Variants in MAD1L1 observed in about 807,000 individuals in gnomAD.
The protein encoded by MAD1L1 is mitotic arrest deficient 1 like 1.
MAD1L1 carries 95 observed loss-of-function variants against 96.9 expected under a neutral mutation model. That is an observed-to-expected ratio of 0.98 (90% CI 0.83 to 1.16). MAD1L1 has a LOEUF of 1.16. MAD1L1 is among the 50% of genes most tolerant of loss of function. MAD1L1 has a pLI of 0.00. For missense variants in MAD1L1, 1,007 were observed against 954.4 expected (o/e 1.06, Z -0.73); for synonymous variants, 473 against 396.6 (o/e 1.19, Z -2.29).
chr7:1,855,841 AC>A (rs903958451), intron 18 of MAD1L1, among the ~76,000 whole-genome samples: 1 of 151,852 alleles, frequency 6.6e-6, no homozygotes, highest in African/African-American at 2.4e-5. Context: ...TTACAGCTGC[AC>A]CCCACTCTTG....
chr7:2,152,201 T>C (rs143569226), intron 10 of MAD1L1, among the ~76,000 whole-genome samples: 4 of 152,172 alleles, frequency 2.6e-5, no homozygotes, highest in South Asian at 4.1e-4. Flanking sequence ...TCAGCCTGGA[T>C]ACTTGCTGGC....
intron 12 of MAD1L1, among the ~76,000 whole-genome samples, chr7:2,026,632 T>G (rs928990869): frequency 1.6e-4 from 24 of 152,132 alleles, no homozygotes; most frequent in African/African-American, 5.6e-4. Context: ...TAGAAATCAA[T>G]AAGAAGATAC....
At chr7:1,951,910 G>A (rs146736671) in intron 16 of MAD1L1, among the ~76,000 whole-genome samples, 24 of 152,284 alleles carry the variant, frequency 1.6e-4, no homozygotes, top group African/African-American at 5.3e-4. Flanking sequence ...GTGGGTGCCC[G>A]TATCCATGAG....
chr7:2,118,428 G>C (rs1358919192), intron 11 of MAD1L1, among the ~76,000 whole-genome samples: 1 of 152,268 alleles, frequency 6.6e-6, no homozygotes, highest in East Asian at 1.9e-4. Flanking sequence ...GGTCAGCCCT[G>C]AGTGGTGTGT....
At chr7:2,014,168 C>A (rs4623312) in intron 13 of MAD1L1, among the ~76,000 whole-genome samples, 6,416 of 152,294 alleles carry the variant, frequency 0.042, 220 homozygotes, top group East Asian at 0.088. Flanking sequence ...GGCAGATGCC[C>A]CTCACAGGGG....
intron 11 of MAD1L1, among the ~76,000 whole-genome samples, chr7:2,138,127 G>A (rs1788847405): frequency 6.6e-6 from 1 of 152,240 alleles, no homozygotes; most frequent in Non-Finnish European, 1.5e-5. Context: ...GGCAGCCCCT[G>A]ACACTGCGGA....
intron 18 of MAD1L1, among the ~76,000 whole-genome samples, chr7:1,863,609 A>G (rs1339442171): frequency 1.3e-5 from 2 of 152,150 alleles, no homozygotes; most frequent in African/African-American, 2.4e-5. Context: ...GCTTGCAGAG[A>G]CCGTCACCTG....
intron 18 of MAD1L1, among the ~76,000 whole-genome samples, chr7:1,896,765 C>T (rs1162840630): frequency 2.0e-5 from 3 of 152,230 alleles, no homozygotes; most frequent in African/African-American, 7.2e-5. Context: ...GCTTCAACTA[C>T]AGCACACGCA....
chr7:1,894,918 G>A (rs1786773802), intron 18 of MAD1L1, among the ~76,000 whole-genome samples: 1 of 152,130 alleles, frequency 6.6e-6, no homozygotes, highest in Non-Finnish European at 1.5e-5. Context: ...CAGCAGTGGG[G>A]GAGAAACACA....
Position 1,968,439 on chromosome 7 carries a change from A to G in MAD1L1, c.1506-10720T>C, listed in dbSNP as rs534055216. ...CAGTCCGGCGATCAGGTCCACCGTCAACGCCAGCAGTCATGTCCACCATCA... is the reference window on the plus strand; with the variant it reads ...CAGTCCGGCGATCAGGTCCACCGTCGACGCCAGCAGTCATGTCCACCATCA... On this transcript the variant is annotated intron_variant, in intron 15 of 18. Coordinates refer to ENST00000265854, the MANE Select transcript of MAD1L1 (RefSeq NM_001013836.2). This position sits in a 1 kb window ranked among gnomAD's most constrained non-coding sequence, Gnocchi z 5.6. Among the ~76,000 whole-genome samples, 1 of 142,822 alleles carries G rather than the reference A, an allele frequency of 7.0e-6. No homozygotes were observed. Among genetic ancestry groups the G allele is most frequent in the Non-Finnish European group, 1.5e-5 (1 of 66,308 alleles). The allele number at this position is 142,822 out of a possible 152,430, so 93.7% of individuals were successfully genotyped here.
chr7:2,018,854 C>G (rs1221230314), intron 12 of MAD1L1, among the ~76,000 whole-genome samples: 1 of 152,068 alleles, frequency 6.6e-6, no homozygotes, highest in Non-Finnish European at 1.5e-5. Context: ...CCGAGGCCCA[C>G]TCTGCAAGGG....
chr7:1,816,737 G>C (rs947846597), intron 18 of MAD1L1, among the ~76,000 whole-genome samples: 1 of 152,054 alleles, frequency 6.6e-6, no homozygotes, highest in Non-Finnish European at 1.5e-5. Context: ...ACTGGAGAAC[G>C]GGCAAGGAGG....
At chr7:1,882,233 G>A (rs757932927) in intron 18 of MAD1L1, among the ~76,000 whole-genome samples, 127 of 152,214 alleles carry the variant, frequency 8.3e-4, no homozygotes, top group Middle Eastern at 6.3e-3. Flanking sequence ...CGAGTGTGCC[G>A]GGCAGAGGGC....
rs1254638859 is a variant in MAD1L1 at position 2,103,585 on chromosome 7, CAGCCCTGGG to C, written c.1074-34256_1074-34248del. Among the ~76,000 whole-genome samples, 2 of 152,160 alleles carry C rather than the reference CAGCCCTGGG, an allele frequency of 1.3e-5. No individual in the cohort carries two copies. Among genetic ancestry groups the C allele is most frequent in the Non-Finnish European group, 2.9e-5 (2 of 67,998 alleles). Reference sequence around the variant, plus strand: ...CACTGGGGCAAAGCCCACCACCAGGCAGCCCTGGGAGCCCCTGCGAAGGCCTCTCAGGAG... The same window carrying C: ...CACTGGGGCAAAGCCCACCACCAGGCAGCCCCTGCGAAGGCCTCTCAGGAG... On this transcript the variant is annotated intron_variant, in intron 11 of 18. Transcript: ENST00000265854. The surrounding 1 kb of genome is among the most constrained non-coding windows in gnomAD (Gnocchi z 4.3).
chr7:2,117,891 C>T (rs944932273), intron 11 of MAD1L1, among the ~76,000 whole-genome samples: 2 of 152,154 alleles, frequency 1.3e-5, no homozygotes, highest in East Asian at 1.9e-4. Flanking sequence ...TGGCCTTTGG[C>T]GCAAAGCAAC....
intron 17 of MAD1L1, among the ~76,000 whole-genome samples, chr7:1,934,701 C>A (rs920990562): frequency 6.7e-6 from 1 of 149,252 alleles, no homozygotes; most frequent in Non-Finnish European, 1.5e-5. Flanking sequence ...CAGGCAGAGA[C>A]CCAGACAAAA....
At chr7:2,069,060 G>T in intron 12 of MAD1L1, 134 bp downstream of exon 12, 1 of 1,206,792 alleles carries the variant, frequency 8.3e-7, no homozygotes, top group Non-Finnish European at 1.1e-6. Flanking sequence ...GAACCCTCCT[G>T]GCAACCCAGG....
chr7:1,941,352 CT>C (rs921668989), intron 16 of MAD1L1, among the ~76,000 whole-genome samples: 11 of 152,324 alleles, frequency 7.2e-5, no homozygotes, highest in African/African-American at 1.7e-4. Context: ...GGTTTCCCCC[CT>C]GATGGGGGGC....
chr7:2,216,001 TG>T lies in MAD1L1; in HGVS notation c.810-3del. 3 of 1,613,962 alleles carry T rather than the reference TG, an allele frequency of 1.9e-6. No homozygotes were observed. The highest frequency in any genetic ancestry group is 2.5e-6 in the Non-Finnish European group (3 of 1,179,894). ...AGCCCGTTGGTCTCTCTCATCTCCC[TG>T]GCAGTGCCACAAAGAGTCGCTCAAA... On this transcript the variant is annotated splice_region_variant and splice_polypyrimidine_tract_variant and intron_variant, in intron 8 of 18. Transcript: ENST00000265854.
Sources: allele counts gnomAD v4.1 joint callset (sites outside exome capture counted in the v4.1 genomes callset), GRCh38; gene constraint gnomAD v4.1.1; non-coding constraint Gnocchi (gnomAD v3.1); transcripts MANE v1.5; gene names NCBI Gene and HGNC (gene_info 2026-07-23, HGNC 2026-07-21).